The following CCDC88C variants were observed in gnomAD, a reference collection of about 807,000 sequenced individuals.
The protein encoded by CCDC88C is coiled-coil and HOOK domain protein 88C.
Under a neutral mutation model 198.8 loss-of-function variants are expected in CCDC88C, and 131 were observed. The ratio of observed to expected loss-of-function variants is 0.66; its 90% CI spans 0.57 to 0.76. CCDC88C has a LOEUF of 0.76. CCDC88C is among the 30% of genes least tolerant of loss of function. The pLI is 0.00. For missense variants in CCDC88C, 2,553 were observed against 2,631.6 expected (o/e 0.97, Z 0.65); for synonymous variants, 1,166 against 1,114.7 (o/e 1.05, Z -0.92).
intron 23 of CCDC88C, among the ~76,000 whole-genome samples, chr14:91,293,455 C>T (rs1890810583): frequency 2.1e-5 from 3 of 145,498 alleles, no homozygotes; most frequent in Admixed American, 7.0e-5. Context: ...TGCCACGGTC[C>T]ACCTTCCCAT....
Position 91,277,931 on chromosome 14 carries a change from G to C in CCDC88C, c.5049C>G (p.Ser1683=). 6.6e-7 allele frequency: 1 copy of C among 1,505,342 alleles called. No individual in the cohort carries two copies. Among genetic ancestry groups the C allele is most frequent in the Non-Finnish European group, 8.9e-7 (1 of 1,117,804 alleles). The allele number at this position is 1,505,342 out of a possible 1,614,324, so 93.2% of individuals were successfully genotyped here. A position where few individuals can be genotyped will look rare whatever the true frequency, so the allele number is the denominator to read the frequency against. ...TGTCCGGATCACTCACATGGGTGGGGGAGCTGCGGTTGCTCTCCTCCAGGA... is the reference window on the plus strand; with the variant it reads ...TGTCCGGATCACTCACATGGGTGGGCGAGCTGCGGTTGCTCTCCTCCAGGA... The part of the protein sequence containing the change: ...EEFLEESNRS[S]PTHDTPSCRD... Residue 1683 remains serine, a synonymous_variant, in exon 29 of 30, where the codon TCC becomes TCG. Transcript: ENST00000389857.
intron 3 of CCDC88C, among the ~76,000 whole-genome samples, chr14:91,382,511 C>A (rs1240088606): frequency 1.3e-5 from 2 of 152,218 alleles, no homozygotes; most frequent in African/African-American, 4.8e-5. Flanking sequence ...GAAAGCTGTT[C>A]CATCTCCAGC....
chr14:91,277,632 C>T (rs533887918), intron 29 of CCDC88C, among the ~76,000 whole-genome samples: 5 of 152,288 alleles, frequency 3.3e-5, no homozygotes, highest in South Asian at 2.1e-4. Context: ...TGAAACCCAG[C>T]GTGAGATCCT....
chr14:91,305,741 A>G (rs1891528102), intron 19 of CCDC88C, 24 bp downstream of exon 19: 1 of 1,587,664 alleles, frequency 6.3e-7, no homozygotes, highest in Non-Finnish European at 8.6e-7. Context: ...GCTTGTGACC[A>G]CTGGTGTTGG....
chr14:91,324,679 T>C (rs1470332274), intron 12 of CCDC88C, 100 bp downstream of exon 12: 2 of 1,389,152 alleles, frequency 1.4e-6, no homozygotes, highest in Non-Finnish European at 2.0e-6. Flanking sequence ...CTGGGATGAA[T>C]GGATGGGCTA....
chr14:91,315,619 T>C, intron 14 of CCDC88C, 31 bp downstream of exon 14: 7 of 1,612,928 alleles, frequency 4.3e-6, no homozygotes, highest in Non-Finnish European at 5.9e-6. Context: ...GCAGGGGTTC[T>C]AGGAGAGGCG....
rs1679662915 is a variant in CCDC88C, at chr14:91,295,690, C to T, written c.3967-1372G>A. On this transcript the variant is annotated intron_variant, in intron 22 of 29. Coordinates refer to ENST00000389857, the MANE Select transcript of CCDC88C (RefSeq NM_001080414.4). ...GAGAGAGGCGGGTTAGGAGGAGCGG[C>T]GAGCACGGCTCCGAGCACAGCCACG... Among the ~76,000 whole-genome samples, 3 of 152,166 alleles carry T rather than the reference C, an allele frequency of 2.0e-5. No homozygotes were observed. The South Asian group carries it at 6.2e-4, about 31-fold the overall frequency.
At chr14:91,372,553 G>A (rs1302997630) in intron 3 of CCDC88C, among the ~76,000 whole-genome samples, 2 of 133,404 alleles carry the variant, frequency 1.5e-5, no homozygotes, top group Non-Finnish European at 1.6e-5. Flanking sequence ...GGGGGGGGGA[G>A]GCGTGTGTTA....
intron 12 of CCDC88C, among the ~76,000 whole-genome samples, chr14:91,322,240 T>C (rs984927425): frequency 2.6e-5 from 4 of 152,160 alleles, no homozygotes; most frequent in African/African-American, 9.7e-5. Context: ...AGGGGGGTGA[T>C]GGCTTTCACA....
At chr14:91,323,500 C>G (rs1332636019) in intron 12 of CCDC88C, among the ~76,000 whole-genome samples, 1 of 152,222 alleles carries the variant, frequency 6.6e-6, no homozygotes, top group Non-Finnish European at 1.5e-5. Flanking sequence ...GTCTTTCTGG[C>G]TCTCGAAGCC....
intron 4 of CCDC88C, among the ~76,000 whole-genome samples, chr14:91,353,541 G>A (rs1423162296): frequency 2.6e-5 from 4 of 152,216 alleles, no homozygotes; most frequent in African/African-American, 9.6e-5. Context: ...TGGCTGAGGG[G>A]CAGCCAGCTA....
chr14:91,279,059 G>A (rs917389389), intron 28 of CCDC88C, among the ~76,000 whole-genome samples, 179 bp downstream of exon 28: 1 of 151,620 alleles, frequency 6.6e-6, no homozygotes, highest in African/African-American at 2.4e-5. Context: ...GCGCCACCAC[G>A]CCTAGCTAAT....
chr14:91,274,643 T>G (rs1889880215), intron 29 of CCDC88C, among the ~76,000 whole-genome samples: 1 of 152,234 alleles, frequency 6.6e-6, no homozygotes, highest in Non-Finnish European at 1.5e-5. Context: ...TGCTGTTTTA[T>G]GCTAGTTTGA....
In CCDC88C at chr14:91,277,988, G is replaced by C; in HGVS notation, c.4992C>G (p.Ser1664=). 1 of 1,567,098 alleles carries C rather than the reference G, an allele frequency of 6.4e-7. No homozygotes were observed. Among genetic ancestry groups the C allele is most frequent in the Non-Finnish European group, 8.7e-7 (1 of 1,153,782 alleles). Residue 1664 remains serine (S), a synonymous_variant, in exon 29 of 30, where the codon TCC becomes TCG. Coordinates refer to ENST00000389857, the MANE Select transcript of CCDC88C (RefSeq NM_001080414.4). ...CCAAGGTGACCATCTCACTGCTGGG[G>C]GAGGCCGAGCAGGGCCGCACTCCGA... ...PYVGVRPCSA[S]PSSEMVTLEE... is the part of the protein sequence containing the mutation.
At chr14:91,314,512 C>G (rs1463044554) in intron 14 of CCDC88C, among the ~76,000 whole-genome samples, 1 of 152,238 alleles carries the variant, frequency 6.6e-6, no homozygotes, top group African/African-American at 2.4e-5. Context: ...CCTAGCCCAG[C>G]TGACTGTGAA....
intron 3 of CCDC88C, among the ~76,000 whole-genome samples, chr14:91,385,809 A>T (rs962351379): frequency 2.8e-4 from 42 of 151,678 alleles, no homozygotes; most frequent in African/African-American, 8.9e-4. Flanking sequence ...TTAAAAAAAA[A>T]AATAATTAAT....
intron 4 of CCDC88C, among the ~76,000 whole-genome samples, chr14:91,349,232 T>C (rs914756362): frequency 2.6e-5 from 4 of 152,150 alleles, no homozygotes; most frequent in African/African-American, 9.7e-5. Context: ...ATAAATGCTA[T>C]GGGAACCCGG....
At chr14:91,384,983 A>T (rs1416889348) in intron 3 of CCDC88C, among the ~76,000 whole-genome samples, 1 of 152,278 alleles carries the variant, frequency 6.6e-6, no homozygotes, top group South Asian at 2.1e-4. Flanking sequence ...TCCAAAGCAC[A>T]TTCTCCCCAT....
chr14:91,336,302 A>G (rs148996514), intron 10 of CCDC88C, among the ~76,000 whole-genome samples: 28 of 152,306 alleles, frequency 1.8e-4, no homozygotes, highest in African/African-American at 4.1e-4. Flanking sequence ...AGACGCGTCT[A>G]TGTGACTGAG....
Sources: gnomAD v4.1 joint callset for allele counts (sites outside exome capture counted in the v4.1 genomes callset) on GRCh38, gnomAD v4.1.1 for gene constraint, MANE v1.5 for transcripts, NCBI Gene and HGNC (gene_info 2026-07-23, HGNC 2026-07-21) for gene names.